The following LHFPL3 variants were observed in gnomAD, a reference collection of about 807,000 sequenced individuals.
The protein encoded by LHFPL3 is LHFPL tetraspan subfamily member 3 protein.
In LHFPL3, 5 loss-of-function variants were observed where a neutral mutation model predicts 19.3. The observed-to-expected ratio is 0.26, with a 90% CI of 0.14 to 0.54. The LOEUF is 0.54. LHFPL3 is among the 20% of genes least tolerant of loss of function. LHFPL3 has a pLI of 0.94. For synonymous variants in LHFPL3, 133 were observed against 126.2 expected, an observed-to-expected ratio of 1.05 and a Z score of -0.36; for missense variants, 249 against 307.4, an observed-to-expected ratio of 0.81 and a Z score of 1.42.
intron 2 of LHFPL3, among the ~76,000 whole-genome samples, chr7:104,786,198 T>G (rs996058976): frequency 1.3e-5 from 2 of 152,204 alleles, no homozygotes; most frequent in African/African-American, 2.4e-5. Context: ...TCCAACCAGC[T>G]TAGCCACTGG....
chr7:104,877,664 C>G (rs116152114), intron 2 of LHFPL3, among the ~76,000 whole-genome samples: 2 of 151,852 alleles, frequency 1.3e-5, no homozygotes, highest in Non-Finnish European at 2.9e-5. Context: ...TCATACATTG[C>G]GGATGGGAAT....
At chr7:104,462,135 C>G (rs1009673520) in intron 1 of LHFPL3, among the ~76,000 whole-genome samples, 1 of 152,138 alleles carries the variant, frequency 6.6e-6, no homozygotes, top group Non-Finnish European at 1.5e-5. Context: ...GCTGAAAGAG[C>G]TTTTAAGCCA....
chr7:104,786,112 A>G lies in LHFPL3; in HGVS notation c.682+49201A>G, dbSNP rs181372685. On this transcript the variant is annotated intron_variant, in intron 2 of 2. Transcript: ENST00000424859. Reference sequence around the variant, plus strand: ...AACTGGTGCCTCATGAACAAGGAATAAACACTTACCAAGGAGCCACACAGC... The same window carrying G: ...AACTGGTGCCTCATGAACAAGGAATGAACACTTACCAAGGAGCCACACAGC... Among the ~76,000 whole-genome samples, 591 of 152,322 alleles carry G rather than the reference A, an allele frequency of 3.9e-3. 5 individuals carry two copies. The highest frequency in any genetic ancestry group is 5.9e-3 in the Non-Finnish European group (399 of 68,024).
intron 2 of LHFPL3, among the ~76,000 whole-genome samples, chr7:104,828,316 A>G (rs563368819): frequency 6.6e-5 from 10 of 151,928 alleles, no homozygotes; most frequent in African/African-American, 2.4e-4. Context: ...CCAACCTCAA[A>G]TTCCCCAGGC....
chr7:104,757,097 A>C (rs1171338359), intron 2 of LHFPL3, among the ~76,000 whole-genome samples: 1 of 152,224 alleles, frequency 6.6e-6, no homozygotes, highest in Non-Finnish European at 1.5e-5. Context: ...GACAAAAATA[A>C]GCAATGAAGA....
intron 1 of LHFPL3, among the ~76,000 whole-genome samples, chr7:104,691,351 C>T (rs1344440943): frequency 6.6e-6 from 1 of 152,228 alleles, no homozygotes; most frequent in Non-Finnish European, 1.5e-5. Context: ...CCAATGGCCT[C>T]ATAGGGAGTT....
chr7:104,540,867 T>C (rs1207984401), intron 1 of LHFPL3, among the ~76,000 whole-genome samples: 1 of 152,134 alleles, frequency 6.6e-6, no homozygotes, highest in Non-Finnish European at 1.5e-5. Context: ...CTTCTGTCCA[T>C]CCCCACTTCC....
At chr7:104,346,847 T>C (rs1289014150) in intron 1 of LHFPL3, among the ~76,000 whole-genome samples, 3 of 150,848 alleles carry the variant, frequency 2.0e-5, no homozygotes, top group African/African-American at 4.9e-5. Flanking sequence ...GAGGATCTCT[T>C]TGGGATTAGT....
chr7:104,428,985 C>T (rs1791899105), intron 1 of LHFPL3, among the ~76,000 whole-genome samples: 1 of 152,056 alleles, frequency 6.6e-6, no homozygotes. Context: ...GCTAAATCCA[C>T]CCTGAATTCT....
At chr7:104,720,036 C>CA (rs796409588) in intron 1 of LHFPL3, among the ~76,000 whole-genome samples, 16 of 152,176 alleles carry the variant, frequency 1.1e-4, no homozygotes, top group African/African-American at 3.6e-4. Flanking sequence ...CCCTTTATTA[C>CA]AAAAAAGCCT....
chr7:104,892,332 G>A (rs1481944602), intron 2 of LHFPL3, among the ~76,000 whole-genome samples: 1 of 152,136 alleles, frequency 6.6e-6, no homozygotes, highest in East Asian at 1.9e-4. Flanking sequence ...ATTTTTCCCA[G>A]TTATAAAAAT....
chr7:104,894,027 G>C, intron 2 of LHFPL3, among the ~76,000 whole-genome samples: 1 of 151,940 alleles, frequency 6.6e-6, no homozygotes, highest in East Asian at 1.9e-4. Context: ...GTCTCCATCT[G>C]TGCACAGCAG....
intron 1 of LHFPL3, among the ~76,000 whole-genome samples, chr7:104,578,582 G>A (rs1790391997): frequency 6.6e-6 from 1 of 151,988 alleles, no homozygotes; most frequent in African/African-American, 2.4e-5. Context: ...TTTTATATTG[G>A]GATCTCCTGT....
chr7:104,851,731 A>G (rs1791418252), intron 2 of LHFPL3, among the ~76,000 whole-genome samples: 1 of 152,136 alleles, frequency 6.6e-6, no homozygotes. Flanking sequence ...ACCCCAAGAG[A>G]ACTAAAGATA....
At chr7:104,432,882 C>T (rs576808617) in intron 1 of LHFPL3, among the ~76,000 whole-genome samples, 69 of 152,260 alleles carry the variant, frequency 4.5e-4, no homozygotes, top group East Asian at 7.7e-4. Flanking sequence ...TTAATCTGGG[C>T]CATGACCACC....
intron 1 of LHFPL3, among the ~76,000 whole-genome samples, chr7:104,565,454 A>G (rs1428847869): frequency 1.3e-5 from 2 of 152,238 alleles, no homozygotes; most frequent in Non-Finnish European, 2.9e-5. Flanking sequence ...AAATTGGTCA[A>G]CATTTCCAAA....
At chr7:104,843,773 G>T (rs1332807175) in intron 2 of LHFPL3, among the ~76,000 whole-genome samples, 1 of 152,184 alleles carries the variant, frequency 6.6e-6, no homozygotes, top group Non-Finnish European at 1.5e-5. Context: ...AGCAGGAAAT[G>T]GGAAGCTATC....
chr7:104,870,369 A>G (rs969044860), intron 2 of LHFPL3, among the ~76,000 whole-genome samples: 1 of 152,100 alleles, frequency 6.6e-6, no homozygotes, highest in African/African-American at 2.4e-5. Flanking sequence ...CCACTTACCA[A>G]CTCTGTGACC....
At chr7:104,592,690 C>T (rs1472766849) in intron 1 of LHFPL3, among the ~76,000 whole-genome samples, 1 of 152,166 alleles carries the variant, frequency 6.6e-6, no homozygotes, top group Non-Finnish European at 1.5e-5. Context: ...CAGCTATGCC[C>T]TGCCCCCAGA....
Sources: gnomAD v4.1 joint callset for allele counts (sites outside exome capture counted in the v4.1 genomes callset) on GRCh38, gnomAD v4.1.1 for gene constraint, MANE v1.5 for transcripts, NCBI Gene and HGNC (gene_info 2026-07-23, HGNC 2026-07-21) for gene names.